Variants in MB21D2 observed in about 807,000 individuals in gnomAD.
MB21D2 encodes the protein Mab-21 domain containing 2, also known as nucleotidyltransferase MB21D2.
A neutral mutation model predicts 33.3 loss-of-function variants in MB21D2; 9 were observed. The ratio of observed to expected loss-of-function variants is 0.27; its 90% CI spans 0.16 to 0.47. The LOEUF is 0.47. MB21D2 is among the 20% of genes least tolerant of loss of function. MB21D2 has a pLI of 0.99. For synonymous variants in MB21D2, 241 were observed against 236.3 expected, an observed-to-expected ratio of 1.02 and a Z score of -0.18; for missense variants, 540 against 624.6, an observed-to-expected ratio of 0.86 and a Z score of 1.44.
chr3:192,916,683 G>A (rs1714472989), intron 1 of MB21D2, among the ~76,000 whole-genome samples: 1 of 152,212 alleles, frequency 6.6e-6, no homozygotes, highest in African/African-American at 2.4e-5. Context: ...CCCAACGGCA[G>A]GACACCTGGG....
rs113582214 is a variant in MB21D2 at position 192,812,078 on chromosome 3, C to T, written c.212-12428G>A. Among the ~76,000 whole-genome samples the T allele has an allele frequency of 8.7e-3, 1,329 of 152,128 alleles. 19 individuals carry two copies. The highest frequency in any genetic ancestry group is 0.03 in the African/African-American group (1,257 of 41,476). On this transcript the variant is annotated intron_variant, in intron 1 of 1. Transcript: ENST00000392452. ...TTTTATTTTTTTGGAGATGGAGTCT[C>T]ACTCTGTTGCTCAGGCTGGAGGGTA...
At chr3:192,809,191 G>C (rs1711732132) in intron 1 of MB21D2, among the ~76,000 whole-genome samples, 1 of 152,110 alleles carries the variant, frequency 6.6e-6, no homozygotes, top group Non-Finnish European at 1.5e-5. Context: ...CATCTCCCTG[G>C]CTCAAGCAAT....
intron 1 of MB21D2, among the ~76,000 whole-genome samples, chr3:192,801,311 T>C (rs1313362352): frequency 6.6e-6 from 1 of 152,216 alleles, no homozygotes; most frequent in Non-Finnish European, 1.5e-5. Context: ...TTTAACAGTG[T>C]TTCCCCAAAG....
chr3:192,913,258 G>A (rs528748185), intron 1 of MB21D2, among the ~76,000 whole-genome samples: 2 of 151,898 alleles, frequency 1.3e-5, no homozygotes, highest in Admixed American at 6.6e-5. Flanking sequence ...CTAGCCAGGC[G>A]TGGTGTTACA....
chr3:192,886,413 C>T (rs527427870), intron 1 of MB21D2, among the ~76,000 whole-genome samples: 1 of 152,100 alleles, frequency 6.6e-6, no homozygotes, highest in Non-Finnish European at 1.5e-5. Flanking sequence ...TGTAGTATTT[C>T]CAAACACACA....
intron 1 of MB21D2, among the ~76,000 whole-genome samples, chr3:192,884,223 C>T (rs1713671299): frequency 6.6e-6 from 1 of 152,140 alleles, no homozygotes. Flanking sequence ...CTAAACCTAT[C>T]ATTCCTTAAC....
chr3:192,905,616 G>A (rs1714195780), intron 1 of MB21D2, among the ~76,000 whole-genome samples: 1 of 139,658 alleles, frequency 7.2e-6, no homozygotes. Flanking sequence ...CAGCCTGAGT[G>A]ACAGAGCACG....
At chr3:192,838,520 C>A (rs1024077034) in intron 1 of MB21D2, among the ~76,000 whole-genome samples, 1 of 151,836 alleles carries the variant, frequency 6.6e-6, no homozygotes, top group Non-Finnish European at 1.5e-5. Context: ...ACTCCGCCTC[C>A]CGGGTTCACA....
intron 1 of MB21D2, among the ~76,000 whole-genome samples, chr3:192,822,613 G>C (rs1274166553): frequency 6.6e-6 from 1 of 152,246 alleles, no homozygotes; most frequent in Non-Finnish European, 1.5e-5. Context: ...CGATGAGCCA[G>C]TGATTTTTCC....
At chr3:192,829,310 T>C (rs1712261998) in intron 1 of MB21D2, among the ~76,000 whole-genome samples, 1 of 152,236 alleles carries the variant, frequency 6.6e-6, no homozygotes. Context: ...TTTGCTAATA[T>C]GAATAAAACT....
chr3:192,905,591 CAA>C (rs1161015399), intron 1 of MB21D2, among the ~76,000 whole-genome samples: 2 of 132,488 alleles, frequency 1.5e-5, no homozygotes, highest in East Asian at 2.3e-4. Context: ...GAGCCGAGAT[CAA>C]GACATTGCAC....
At position 192,860,919 on chromosome 3, in the gene MB21D2, CA is replaced by C. The variant is rs1273240136; in HGVS notation, c.211+56710del. Among the ~76,000 whole-genome samples the C allele has an allele frequency of 3.3e-5, 5 of 152,264 alleles. No individual in the cohort carries two copies. In the East Asian group the frequency reaches 9.7e-4, roughly 29 times the overall value. ...AAAAGCAGAATGAGAAAATAAATAA[CA>C]TAAGCTGATGATTTCTGAAGTGCTA... On this transcript the variant is annotated intron_variant, in intron 1 of 1. Transcript: ENST00000392452.
intron 1 of MB21D2, among the ~76,000 whole-genome samples, chr3:192,830,241 A>AGT (rs34472117): frequency 0.076 from 11,115 of 146,380 alleles, 1,098 homozygotes; most frequent in African/African-American, 0.23. Context: ...AGTGTGTGTG[A>AGT]GTGTGTGTGT....
At chr3:192,857,996 A>G (rs1712955671) in intron 1 of MB21D2, among the ~76,000 whole-genome samples, 1 of 152,104 alleles carries the variant, frequency 6.6e-6, no homozygotes, top group Non-Finnish European at 1.5e-5. Context: ...ATGGTGGTGC[A>G]TGCCTGTAAT....
Position 192,798,246 on chromosome 3 carries a change from T to C in MB21D2, c.*140A>G. The stretch of plus-strand genomic sequence containing the variant: ...TACTGTTTCAGAGCCTGCACCATCC[T>C]GCAGAACCAGGAAACTTAAAATTTG... On this transcript the variant is annotated 3_prime_UTR_variant, in exon 2 of 2. Coordinates refer to ENST00000392452, the MANE Select transcript of MB21D2 (RefSeq NM_178496.4). The surrounding 1 kb of genome is among the most constrained non-coding windows in gnomAD (Gnocchi z 4.8). 1 of 897,032 alleles carries C rather than the reference T, an allele frequency of 1.1e-6. No individual in the cohort carries two copies. 55.6% of individuals were successfully genotyped at this position (897,032 alleles called of 1,614,324 possible).
rs1282721671 is a variant in MB21D2 at position 192,866,428 on chromosome 3, C to T, written c.211+51202G>A. Reference sequence around the variant, plus strand: ...TCTCTTTCTCTGAGAGGGGAACTGACGCAAGGAAATCAAAGAATGTTACAT... The same window carrying T: ...TCTCTTTCTCTGAGAGGGGAACTGATGCAAGGAAATCAAAGAATGTTACAT... On this transcript the variant is annotated intron_variant, in intron 1 of 1. Transcript: ENST00000392452. 3.3e-5 allele frequency among the ~76,000 whole-genome samples: 5 copies of T among 152,074 alleles called. No homozygotes were observed. In the East Asian group the frequency reaches 5.8e-4, roughly 18 times the overall value.
intron 1 of MB21D2, among the ~76,000 whole-genome samples, chr3:192,884,672 T>C (rs1713693202): frequency 6.6e-6 from 1 of 152,008 alleles, no homozygotes; most frequent in African/African-American, 2.4e-5. Flanking sequence ...CGGCCAGAGG[T>C]GCATGTCTTG....
At chr3:192,889,595 C>T (rs1713807159) in intron 1 of MB21D2, among the ~76,000 whole-genome samples, 1 of 152,062 alleles carries the variant, frequency 6.6e-6, no homozygotes, top group South Asian at 2.1e-4. Context: ...CCTACCTCTG[C>T]TGGCCCTAGA....
intron 1 of MB21D2, among the ~76,000 whole-genome samples, chr3:192,917,217 G>A (rs1459366560): frequency 6.6e-6 from 1 of 152,184 alleles, no homozygotes; most frequent in Non-Finnish European, 1.5e-5. Context: ...CCCAAGAGCC[G>A]GCGTCGGGAA....
Sources: allele counts gnomAD v4.1 joint callset (sites outside exome capture counted in the v4.1 genomes callset), GRCh38; gene constraint gnomAD v4.1.1; non-coding constraint Gnocchi (gnomAD v3.1); transcripts MANE v1.5; gene names NCBI Gene and HGNC (gene_info 2026-07-23, HGNC 2026-07-21).